PDZD2: variants seen among roughly 807,000 people sequenced by gnomAD.
PDZD2 encodes the protein PDZ domain-containing protein 2.
In PDZD2, 90 loss-of-function variants were observed where a neutral mutation model predicts 220.7. The observed-to-expected ratio is 0.41, with a 90% confidence interval of 0.34 to 0.49. PDZD2 has a LOEUF of 0.49. PDZD2 is among the 20% of genes least tolerant of loss of function. PDZD2 has a pLI of 0.28. For synonymous variants in PDZD2, 1,375 were observed against 1,450.5 expected, an observed-to-expected ratio of 0.95 and a Z score of 1.18; for missense variants, 3,174 against 3,608.5, an observed-to-expected ratio of 0.88 and a Z score of 3.08.
Position 32,107,955 on chromosome 5 carries a change from G to T in PDZD2, c.8354-14G>T. On this transcript the variant is annotated splice_polypyrimidine_tract_variant and intron_variant, in intron 24 of 24. Transcript: ENST00000438447. ...ACTGCCAAGCTATTAATTATTCTGT[G>T]TTTATTCTCGTAGGTGGTGCGGCTG... is the stretch of plus-strand genomic sequence containing the variant. 6.2e-7 allele frequency: 1 copy of T among 1,601,096 alleles called. No individual in the cohort carries two copies. Among genetic ancestry groups the T allele is most frequent in the Non-Finnish European group, 8.5e-7 (1 of 1,171,020 alleles).
chr5:31,870,864 A>G lies in PDZD2; in HGVS notation c.476+71140A>G, dbSNP rs553415407. On this transcript the variant is annotated intron_variant, in intron 2 of 24. Transcript: ENST00000438447. Reference sequence around the variant, plus strand: ...AAATCACACCACTGCACTCCAGCCTATGCGACAGATCGAGACTCTGTCTCA... The same window carrying G: ...AAATCACACCACTGCACTCCAGCCTGTGCGACAGATCGAGACTCTGTCTCA... 3.4e-4 allele frequency among the ~76,000 whole-genome samples: 51 copies of G among 150,422 alleles called. No individual in the cohort carries two copies. The South Asian group carries it at 0.011, about 32-fold the overall frequency.
intron 1 of PDZD2, among the ~76,000 whole-genome samples, chr5:31,684,278 C>A (rs1418847920): frequency 6.6e-6 from 1 of 152,134 alleles, no homozygotes; most frequent in African/African-American, 2.4e-5. Context: ...ATGGCCCCTG[C>A]TCATCTTCTC....
intron 2 of PDZD2, among the ~76,000 whole-genome samples, chr5:31,889,417 G>A (rs1191976276): frequency 6.6e-6 from 1 of 152,148 alleles, no homozygotes; most frequent in Non-Finnish European, 1.5e-5. Context: ...GCCATTTTCT[G>A]GTGCTGTTCA....
At chr5:31,789,245 C>T (rs973690216) in intron 1 of PDZD2, among the ~76,000 whole-genome samples, 1 of 152,210 alleles carries the variant, frequency 6.6e-6, no homozygotes, top group Non-Finnish European at 1.5e-5. Context: ...CCCTGGATGC[C>T]TCTCCCAAAA....
In PDZD2 at chr5:32,090,199, G is replaced by C. The variant is rs1742965779; in HGVS notation, c.6751G>C (p.Val2251Leu). 6.2e-7 allele frequency: 1 copy of C among 1,614,126 alleles called. No homozygotes were observed. Among genetic ancestry groups the C allele is most frequent in the Non-Finnish European group, 8.5e-7 (1 of 1,180,018 alleles). The change falls in exon 20 of 25, where the codon GTC becomes CTC. Residue 2251 changes from valine (V) to leucine (L), a missense_variant. Physicochemically the swap from Val to Leu is conservative, Grantham distance 32. Coordinates refer to ENST00000438447, the MANE Select transcript of PDZD2 (RefSeq NM_178140.4). The surrounding 1 kb of genome is among the most constrained non-coding windows in gnomAD (Gnocchi z 4.3). ...HSLGRSRDSQ[V>L]PVTSSVVPEA... ...CCTGGGTCGCTCTCGGGACAGCCAG[G>C]TCCCTGTGACAAGCAGTGTTGTCCC...
chr5:32,074,785 T>G, intron 18 of PDZD2, 142 bp downstream of exon 18: 1 of 629,958 alleles, frequency 1.6e-6, no homozygotes, highest in Non-Finnish European at 2.8e-6. Context: ...AGTCAGTCAC[T>G]TAAATACCTG....
chr5:31,831,211 C>T (rs916765052), intron 2 of PDZD2, among the ~76,000 whole-genome samples: 4 of 152,236 alleles, frequency 2.6e-5, no homozygotes, highest in Non-Finnish European at 5.9e-5. Context: ...GGGCCAGGGG[C>T]AGTGGCTCAC....
chr5:32,073,178 G>A (rs1028212123), intron 17 of PDZD2, among the ~76,000 whole-genome samples: 7 of 152,106 alleles, frequency 4.6e-5, no homozygotes, highest in Non-Finnish European at 1.0e-4. Context: ...AGAGGCAGGC[G>A]ACGACCACTC....
chr5:31,734,379 ATG>A (rs1049562948), intron 1 of PDZD2, among the ~76,000 whole-genome samples: 1 of 152,038 alleles, frequency 6.6e-6, no homozygotes, highest in African/African-American at 2.4e-5. Flanking sequence ...GAGTGCAGTG[ATG>A]TGATCTCAGC....
At chr5:31,923,599 C>T in intron 2 of PDZD2, 1 of 756,430 alleles carries the variant, frequency 1.3e-6, no homozygotes, top group African/African-American at 1.7e-5. Context: ...TGTGCTCTGG[C>T]TCGGATAAGA....
intron 6 of PDZD2, among the ~76,000 whole-genome samples, chr5:32,018,287 A>G (rs1232839575): frequency 6.6e-6 from 1 of 152,216 alleles, no homozygotes; most frequent in Non-Finnish European, 1.5e-5. Context: ...GAGATTATAA[A>G]AAGTGAAAGT....
intron 1 of PDZD2, among the ~76,000 whole-genome samples, chr5:31,712,328 G>A (rs748620430): frequency 2.6e-5 from 4 of 152,132 alleles, no homozygotes; most frequent in Admixed American, 6.5e-5. Flanking sequence ...GCGTTGACTC[G>A]GATTCAGCTC....
At chr5:32,050,260 G>T (rs920454956) in intron 8 of PDZD2, among the ~76,000 whole-genome samples, 3 of 152,150 alleles carry the variant, frequency 2.0e-5, no homozygotes, top group African/African-American at 4.8e-5. Flanking sequence ...ATGAGAGAGG[G>T]TTTACAGCCA....
chr5:31,843,240 C>T (rs982552253), intron 2 of PDZD2: 8 of 151,912 alleles, frequency 5.3e-5, no homozygotes, highest in African/African-American at 1.9e-4. Flanking sequence ...TGTTTTCCCA[C>T]CCTGGGCATA....
At chr5:31,986,668 A>T (rs754437182) in intron 3 of PDZD2, among the ~76,000 whole-genome samples, 2 of 151,206 alleles carry the variant, frequency 1.3e-5, no homozygotes, top group East Asian at 1.9e-4. Flanking sequence ...GCGGGGGGGA[A>T]TTTCATTCCA....
intron 1 of PDZD2, among the ~76,000 whole-genome samples, chr5:31,669,771 G>C (rs1374836251): frequency 6.6e-6 from 1 of 152,136 alleles, no homozygotes; most frequent in Non-Finnish European, 1.5e-5. Context: ...TACAAGAACT[G>C]TTTGTTGAGT....
chr5:31,750,787 C>T (rs536388914), intron 1 of PDZD2, among the ~76,000 whole-genome samples: 5 of 152,226 alleles, frequency 3.3e-5, no homozygotes, highest in South Asian at 2.1e-4. Context: ...ACTTGGCAGG[C>T]GCTCAGTAAA....
chr5:31,901,428 A>AG (rs920929306), intron 2 of PDZD2, among the ~76,000 whole-genome samples: 8 of 151,688 alleles, frequency 5.3e-5, no homozygotes, highest in African/African-American at 1.9e-4. Context: ...AAAAAAAAAA[A>AG]AAGAAGAAGA....
At chr5:31,858,049 C>T (rs1015780443) in intron 2 of PDZD2, among the ~76,000 whole-genome samples, 4 of 152,178 alleles carry the variant, frequency 2.6e-5, no homozygotes, top group African/African-American at 9.7e-5. Flanking sequence ...TGGTCTCGAA[C>T]TCCTGAACTC....
Sources: allele counts gnomAD v4.1 joint callset (sites outside exome capture counted in the v4.1 genomes callset), GRCh38; gene constraint gnomAD v4.1.1; non-coding constraint Gnocchi (gnomAD v3.1); transcripts MANE v1.5; gene names NCBI Gene and HGNC (gene_info 2026-07-23, HGNC 2026-07-21).